SESTD1: variants seen among roughly 807,000 people sequenced by gnomAD.
SESTD1 encodes the protein SEC14 domain and spectrin repeat-containing protein 1.
SESTD1 carries 43 observed loss-of-function variants against 101.7 expected under a neutral mutation model. The observed-to-expected ratio is 0.42, with a 90% confidence interval of 0.33 to 0.55. The LOEUF (loss-of-function observed/expected upper bound fraction) is 0.55, where lower values mean the gene tolerates loss of function less well. Ranked by LOEUF, SESTD1 falls within the 20% of genes least tolerant of loss-of-function variation. The pLI is 0.07. For missense variants in SESTD1, 647 were observed against 815.1 expected (o/e 0.79, Z 2.51); for synonymous variants, 283 against 286.8 (o/e 0.99, Z 0.13).
chr2:179,141,300 G>A (rs1033934706), intron 9 of SESTD1, among the ~76,000 whole-genome samples: 1 of 152,118 alleles, frequency 6.6e-6, no homozygotes, highest in Non-Finnish European at 1.5e-5. Context: ...AGGACACCAA[G>A]TCTTACAAGT....
At chr2:179,130,345 A>T (rs1029750591) in intron 10 of SESTD1, among the ~76,000 whole-genome samples, 6 of 152,166 alleles carry the variant, frequency 3.9e-5, no homozygotes, top group Non-Finnish European at 7.4e-5. Flanking sequence ...TTGCAATTCA[A>T]AAGTTTTATA....
intron 1 of SESTD1, among the ~76,000 whole-genome samples, chr2:179,261,064 T>C (rs1214835073): frequency 1.3e-5 from 2 of 152,232 alleles, no homozygotes; most frequent in Non-Finnish European, 2.9e-5. Context: ...ATTCAAATTC[T>C]GAAACAGTGG....
intron 1 of SESTD1, among the ~76,000 whole-genome samples, chr2:179,222,305 G>C (rs951565521): frequency 6.6e-6 from 1 of 152,180 alleles, no homozygotes; most frequent in African/African-American, 2.4e-5. Context: ...ATGTGGTTTT[G>C]GCAATTCCTT....
At chr2:179,190,588 A>G (rs1243585115) in intron 2 of SESTD1, among the ~76,000 whole-genome samples, 4 of 151,864 alleles carry the variant, frequency 2.6e-5, no homozygotes, top group Non-Finnish European at 4.4e-5. Context: ...GAAACTATCA[A>G]TAAACAGACA....
At chr2:179,187,647 A>G (rs1486178412) in intron 2 of SESTD1, among the ~76,000 whole-genome samples, 1 of 152,148 alleles carries the variant, frequency 6.6e-6, no homozygotes, top group African/African-American at 2.4e-5. Context: ...CAAACAAACA[A>G]AAAACAAGAC....
chr2:179,209,893 C>A lies in SESTD1; in HGVS notation c.-25-18027G>T, dbSNP rs1189315015. Among the ~76,000 whole-genome samples, 3 of 130,362 alleles carry A rather than the reference C, an allele frequency of 2.3e-5. 1 individual carries two copies. Among genetic ancestry groups the A allele is most frequent in the Non-Finnish European group, 4.9e-5 (3 of 60,942 alleles). 85.5% of individuals were successfully genotyped at this position (130,362 alleles called of 152,430 possible). ...GAACTAAATGAAACTGAAACAACAA[C>A]AAAAAAAGATAAATGAAAAAAAAGC... is the stretch of plus-strand genomic sequence containing the variant. On this transcript the variant is annotated intron_variant, in intron 1 of 17. Transcript: ENST00000428443.
rs1167944227 is a variant in SESTD1, at chr2:179,212,595, C to T, written c.-25-20729G>A. ...AACAAGAGGCAGCAGACAACTTCTG[C>T]AGACTTACAAGTCCCTGTCTGACAG... On this transcript the variant is annotated intron_variant, in intron 1 of 17. Transcript: ENST00000428443. 2.9e-5 allele frequency among the ~76,000 whole-genome samples: 4 copies of T among 136,346 alleles called. 1 individual carries two copies. The highest frequency in any genetic ancestry group is 6.3e-5 in the Non-Finnish European group (4 of 63,000). The allele number at this position is 136,346 out of a possible 152,430, so 89.4% of individuals were successfully genotyped here.
intron 1 of SESTD1, among the ~76,000 whole-genome samples, chr2:179,257,601 G>T (rs2047417580): frequency 6.6e-6 from 1 of 151,966 alleles, no homozygotes. Flanking sequence ...ATTTTGTTCT[G>T]CAAAGGATTA....
intron 1 of SESTD1, among the ~76,000 whole-genome samples, chr2:179,227,795 C>A (rs1410820289): frequency 6.6e-6 from 1 of 152,060 alleles, no homozygotes. Context: ...TGAGCAGAGG[C>A]AGCAGGGTGT....
At position 179,176,460 on chromosome 2, in the gene SESTD1, G is replaced by A. The variant is rs542574770; in HGVS notation, c.243C>T (p.Val81=). ...KSQWNVVKTV[V]VMLQNVVPAE... ...AAACCAAAATTACCTGTAGCATTAC[G>A]ACTACTGTTTTCACCACATTCCACT... is the stretch of plus-strand genomic sequence containing the variant. Residue 81 remains valine (V), a synonymous_variant, in exon 4 of 18, where the codon GTC becomes GTT. Coordinates refer to ENST00000428443, the MANE Select transcript of SESTD1 (RefSeq NM_178123.5). 17 of 1,612,712 alleles carry A rather than the reference G, an allele frequency of 1.1e-5. No homozygotes were observed. The highest frequency in any genetic ancestry group is 2.2e-5 in the South Asian group (2 of 90,952).
intron 5 of SESTD1, among the ~76,000 whole-genome samples, chr2:179,151,959 A>G (rs1417632936): frequency 3.3e-5 from 5 of 152,176 alleles, no homozygotes; most frequent in Admixed American, 3.3e-4. Context: ...TTAAAATGCT[A>G]ATCTTTTAAC....
intron 2 of SESTD1, among the ~76,000 whole-genome samples, chr2:179,183,439 T>C (rs986388158): frequency 2.0e-5 from 3 of 152,140 alleles, no homozygotes; most frequent in Non-Finnish European, 2.9e-5. Flanking sequence ...TATTTAAATT[T>C]CTTCCATTTA....
At chr2:179,123,274 T>C (rs1465959356) in intron 12 of SESTD1, among the ~76,000 whole-genome samples, 3 of 152,158 alleles carry the variant, frequency 2.0e-5, no homozygotes, top group African/African-American at 7.2e-5. Context: ...TATTCCCAGT[T>C]TGGTGAGACA....
Position 179,212,843 on chromosome 2 carries a change from C to A in SESTD1, c.-25-20977G>T, listed in dbSNP as rs901890776. Reference sequence around the variant, plus strand: ...GTTCTGCAGCCTCCGCTGGTGATACCCAGGCAAACAGGGTCTGGAGTGGAC... The same window carrying A: ...GTTCTGCAGCCTCCGCTGGTGATACACAGGCAAACAGGGTCTGGAGTGGAC... On this transcript the variant is annotated intron_variant, in intron 1 of 17. Coordinates refer to ENST00000428443, the MANE Select transcript of SESTD1 (RefSeq NM_178123.5). 3.0e-5 allele frequency among the ~76,000 whole-genome samples: 4 copies of A among 134,588 alleles called. 2 individuals are homozygous for A. The highest frequency in any genetic ancestry group is 5.9e-5 in the African/African-American group (2 of 33,990). The allele number at this position is 134,588 out of a possible 152,430, so 88.3% of individuals were successfully genotyped here. A position where few individuals can be genotyped will look rare whatever the true frequency, so the allele number is the denominator to read the frequency against.
At chr2:179,238,258 T>C (rs1399170029) in intron 1 of SESTD1, among the ~76,000 whole-genome samples, 1 of 152,096 alleles carries the variant, frequency 6.6e-6, no homozygotes, top group Non-Finnish European at 1.5e-5. Context: ...GTGACAGATA[T>C]AGAAGAAAAG....
chr2:179,144,090 C>T (rs759869510), intron 8 of SESTD1, among the ~76,000 whole-genome samples: 1 of 151,520 alleles, frequency 6.6e-6, no homozygotes, highest in Non-Finnish European at 1.5e-5. Context: ...TACTATACTA[C>T]ATATTAAATA....
At chr2:179,200,380 C>T (rs899358134) in intron 1 of SESTD1, among the ~76,000 whole-genome samples, 1 of 152,066 alleles carries the variant, frequency 6.6e-6, no homozygotes, top group East Asian at 1.9e-4. Context: ...CCATCCCCAT[C>T]AAGCTACCAA....
chr2:179,227,603 C>T (rs13029239), intron 1 of SESTD1, among the ~76,000 whole-genome samples: 441 of 152,232 alleles, frequency 2.9e-3, no homozygotes, highest in Non-Finnish European at 5.3e-3. Context: ...TTTAAAAATA[C>T]GGAACTATGA....
chr2:179,195,883 AT>A (rs2046383728), intron 1 of SESTD1, among the ~76,000 whole-genome samples: 1 of 152,082 alleles, frequency 6.6e-6, no homozygotes. Context: ...GAGAAAAAAA[AT>A]CTCGTATGGT....
Sources: gnomAD v4.1 joint callset for allele counts (sites outside exome capture counted in the v4.1 genomes callset) on GRCh38, gnomAD v4.1.1 for gene constraint, MANE v1.5 for transcripts, NCBI Gene and HGNC (gene_info 2026-07-23, HGNC 2026-07-21) for gene names.